Variants in CCND3 observed in about 807,000 individuals in gnomAD.
The protein encoded by CCND3 is cyclin D3.
In CCND3, 9 loss-of-function variants were observed where a neutral mutation model predicts 28.7. The observed-to-expected ratio is 0.31, with a 90% CI of 0.19 to 0.55. The LOEUF (loss-of-function observed/expected upper bound fraction) is 0.55. Among genes scored for constraint, CCND3 ranks in the 20% least tolerant of loss-of-function variants. The pLI is 0.93. For missense variants in CCND3, 315 were observed against 385.8 expected, an observed-to-expected ratio of 0.82 and a Z score of 1.54; for synonymous variants, 164 against 163.9, an observed-to-expected ratio of 1.00 and a Z score of 0.00.
Position 41,935,617 on chromosome 6 carries a change from T to TC in CCND3, c.*322_*323insG, listed in dbSNP as rs1554155170. On this transcript the variant is annotated 3_prime_UTR_variant, in exon 5 of 5. Transcript: ENST00000372991. Reference sequence around the variant, plus strand: ...TTGAAAACATGAGAGCCCCCAGGGGTGGGGGGGGGCGTTCAAAAGGAATGC... The same window carrying TC: ...TTGAAAACATGAGAGCCCCCAGGGGTCGGGGGGGGGCGTTCAAAAGGAATGC... 2.3e-6 allele frequency: 1 copy of TC among 428,694 alleles called. No individual in the cohort carries two copies. The highest frequency in any genetic ancestry group is 6.3e-4 in the Middle Eastern group (1 of 1,600). 26.6% of individuals were successfully genotyped at this position (428,694 alleles called of 1,614,324 possible).
intron 1 of CCND3, among the ~76,000 whole-genome samples, chr6:41,992,422 A>G (rs1762676861): frequency 6.7e-6 from 1 of 148,478 alleles, no homozygotes; most frequent in Admixed American, 6.8e-5. Flanking sequence ...CTCAGCCCCC[A>G]AAGTGCTGGG....
chr6:42,035,558 G>A (rs929961981), intron 1 of CCND3, among the ~76,000 whole-genome samples: 10 of 151,708 alleles, frequency 6.6e-5, no homozygotes, highest in Non-Finnish European at 8.8e-5. Context: ...CAGTAGAGAC[G>A]GGGTTTCACT....
intron 1 of CCND3, among the ~76,000 whole-genome samples, chr6:42,035,710 C>G (rs1428527846): frequency 6.8e-6 from 1 of 147,906 alleles, no homozygotes; most frequent in African/African-American, 2.5e-5. Flanking sequence ...CGGAGTCTCA[C>G]TCTGTCTCCC....
chr6:41,946,779 A>G (rs1415234393), upstream of CCND3, among the ~76,000 whole-genome samples: 2 of 151,764 alleles, frequency 1.3e-5, no homozygotes, highest in Non-Finnish European at 2.9e-5. Flanking sequence ...GTCCATTCCT[A>G]TCAGTAAAAA....
chr6:41,984,368 C>T lies in CCND3; in HGVS notation c.-45-43783G>A, dbSNP rs555390851. Among the ~76,000 whole-genome samples the T allele has an allele frequency of 2.6e-3, 395 of 152,182 alleles. 2 individuals carry two copies. The highest frequency in any genetic ancestry group is 9.0e-3 in the African/African-American group (373 of 41,512). On this transcript the variant is annotated intron_variant, in intron 1 of 4. Transcript: ENST00000372988. ...TTTTTGTTTGTTTGTTTGTTTGAGA[C>T]GCAGTTTCGCTCTTGTTGCCCAGGC...
intron 1 of CCND3, among the ~76,000 whole-genome samples, chr6:42,015,852 T>G (rs1352520891): frequency 6.6e-6 from 1 of 151,556 alleles, no homozygotes; most frequent in African/African-American, 2.4e-5. Flanking sequence ...TTGCCTCACA[T>G]TTTTTTGTGT....
At chr6:41,995,870 A>G (rs1287751318) in intron 1 of CCND3, among the ~76,000 whole-genome samples, 1 of 151,890 alleles carries the variant, frequency 6.6e-6, no homozygotes, top group Non-Finnish European at 1.5e-5. Context: ...CCTGGCCAAC[A>G]CAGAGAGACC....
At chr6:41,940,277 A>G in intron 2 of CCND3, 93 bp downstream of exon 2, 1 of 1,132,552 alleles carries the variant, frequency 8.8e-7, no homozygotes, top group Non-Finnish European at 1.3e-6. Context: ...CTTCCTCTCC[A>G]GGGGGCAGAA....
At chr6:42,013,064 G>C (rs897662721) in intron 1 of CCND3, among the ~76,000 whole-genome samples, 14 of 152,142 alleles carry the variant, frequency 9.2e-5, no homozygotes, top group African/African-American at 3.4e-4. Context: ...CCTATTGCCT[G>C]TTTAGGGGCA....
chr6:42,044,120 GAGA>G lies in CCND3; in HGVS notation c.-46+4378_-46+4380del, dbSNP rs529874791. Among the ~76,000 whole-genome samples the G allele has an allele frequency of 2.6e-3, 396 of 152,382 alleles. 1 individual carries two copies. Among genetic ancestry groups the G allele is most frequent in the Non-Finnish European group, 5.1e-3 (350 of 68,032 alleles). On this transcript the variant is annotated intron_variant, in intron 1 of 4. Coordinates refer to the CCND3 transcript ENST00000372988. ...GGAAAGGACAGTCAGGAAGGGGAAA[GAGA>G]AGATGTGGAAGAAATCCCTGACCTG...
chr6:41,948,133 TCCTA>T (rs71714426), intron 1 of CCND3, among the ~76,000 whole-genome samples: 27,901 of 151,866 alleles, frequency 0.18, 3,184 homozygotes, highest in East Asian at 0.27. Context: ...TTCCTGGCCA[TCCTA>T]CCTAAATTTT....
At chr6:41,940,909 A>G (rs1775984946) in intron 1 of CCND3, 1 of 1,549,704 alleles carries the variant, frequency 6.5e-7, no homozygotes, top group Non-Finnish European at 8.9e-7. Context: ...TGGTAGCCAG[A>G]GAGCTGGGAC....
At position 41,995,819 on chromosome 6, in the gene CCND3, C is replaced by T. The variant is rs373727217; in HGVS notation, c.-46+52682G>A. Among the ~76,000 whole-genome samples the T allele has an allele frequency of 2.6e-5, 4 of 151,798 alleles. No homozygotes were observed. The East Asian group carries it at 7.8e-4, about 30-fold the overall frequency. ...CTGCAATCCTAACACTTTGGGAGGC[C>T]GAGGCAGGAGGACTGTTTGAGACCA... On this transcript the variant is annotated intron_variant, in intron 1 of 4. Coordinates refer to the CCND3 transcript ENST00000372988.
intron 1 of CCND3, among the ~76,000 whole-genome samples, chr6:42,017,581 A>G (rs541870065): frequency 3.9e-4 from 59 of 152,304 alleles, no homozygotes; most frequent in African/African-American, 1.2e-3. Context: ...ACTGCCATGT[A>G]TTGCACTAAG....
intron 1 of CCND3, among the ~76,000 whole-genome samples, chr6:41,982,077 A>G (rs1279308428): frequency 1.3e-5 from 2 of 151,568 alleles, no homozygotes; most frequent in Non-Finnish European, 2.9e-5. Flanking sequence ...CGAGACCAAC[A>G]TGACCAACAC....
chr6:41,939,520 G>C lies in CCND3; in HGVS notation c.414+850C>G, dbSNP rs1373058306. 6.6e-6 allele frequency among the ~76,000 whole-genome samples: 1 copy of C among 152,176 alleles called. No individual in the cohort carries two copies. The highest frequency in any genetic ancestry group is 1.5e-5 in the Non-Finnish European group (1 of 68,026). ...AACCGGTGACTTTCCTGCCCGGCCT[G>C]AGCCCAGCCCAAGTTTCCAGCAAGA... On this transcript the variant is annotated intron_variant, in intron 2 of 4. Transcript: ENST00000372991. The surrounding 1 kb of genome is among the most constrained non-coding windows in gnomAD (Gnocchi z 4.2).
chr6:42,027,743 TTTG>T (rs1434534174), intron 1 of CCND3, among the ~76,000 whole-genome samples: 19 of 150,422 alleles, frequency 1.3e-4, no homozygotes, highest in East Asian at 3.9e-4. Context: ...GTTTTTTTTG[TTTG>T]TTTGTTTGTT....
intron 1 of CCND3, 54 bp from the exon 2 acceptor site, chr6:41,940,639 C>G (rs1433607660): frequency 1.3e-5 from 14 of 1,084,388 alleles, no homozygotes; most frequent in African/African-American, 6.4e-5. Flanking sequence ...AACACAGCAG[C>G]GGGGGGGTGG....
chr6:42,048,860 C>T lies in CCND3; in HGVS notation c.-405G>A, dbSNP rs866838572. On this transcript the variant is annotated 5_prime_UTR_variant, in exon 1 of 5. Coordinates refer to the CCND3 transcript ENST00000372988. This position sits in a 1 kb window ranked among gnomAD's most constrained non-coding sequence, Gnocchi z 4.7. ...AGGAGGCTCATCCGGCGCCGCGCACCCCCGCCCGCAGCCCCCGCCCCACGC... is the reference window on the plus strand; with the variant it reads ...AGGAGGCTCATCCGGCGCCGCGCACTCCCGCCCGCAGCCCCCGCCCCACGC... The T allele has an allele frequency of 3.2e-6, 1 of 312,382 alleles. No individual in the cohort carries two copies. The highest frequency in any genetic ancestry group is 2.4e-5 in the South Asian group (1 of 40,890). The allele number at this position is 312,382 out of a possible 1,614,324, so 19.4% of individuals were successfully genotyped here.
Sources: allele counts gnomAD v4.1 joint callset (sites outside exome capture counted in the v4.1 genomes callset), GRCh38; gene constraint gnomAD v4.1.1; non-coding constraint Gnocchi (gnomAD v3.1); transcripts MANE v1.5; gene names NCBI Gene and HGNC (gene_info 2026-07-23, HGNC 2026-07-21).